Variants in CDH13 observed in about 807,000 individuals in gnomAD.
CDH13 encodes the protein cadherin 13, also known as cadherin-13.
In CDH13, 24 loss-of-function variants were observed where a neutral mutation model predicts 63.8. That is an observed-to-expected ratio of 0.38 (90% CI 0.27 to 0.53). The LOEUF (loss-of-function observed/expected upper bound fraction) is 0.53, where lower values mean the gene tolerates loss of function less well. Ranked by LOEUF, CDH13 falls within the 20% of genes least tolerant of loss-of-function variation. CDH13 has a pLI of 0.85. For synonymous variants in CDH13, 503 were observed against 355.3 expected, an observed-to-expected ratio of 1.42 and a Z score of -4.67; for missense variants, 1,049 against 903.1, an observed-to-expected ratio of 1.16 and a Z score of -2.07.
At chr16:83,341,663 T>C (rs1344016027) in intron 5 of CDH13, among the ~76,000 whole-genome samples, 1 of 152,186 alleles carries the variant, frequency 6.6e-6, no homozygotes, top group East Asian at 1.9e-4. Context: ...AGGAAGAAAA[T>C]GTCTTCATTC....
chr16:83,441,824 A>C (rs2072488844), intron 6 of CDH13, among the ~76,000 whole-genome samples: 1 of 152,196 alleles, frequency 6.6e-6, no homozygotes, highest in African/African-American at 2.4e-5. Flanking sequence ...CTCCAAAAGG[A>C]AATGTTTCAG....
chr16:82,634,735 C>T (rs1426183546), intron 1 of CDH13, among the ~76,000 whole-genome samples: 2 of 152,326 alleles, frequency 1.3e-5, no homozygotes, highest in East Asian at 1.9e-4. Context: ...CTTAAAGTTA[C>T]AGCCAAAGAG....
chr16:83,007,509 C>A (rs1007075549), intron 2 of CDH13, among the ~76,000 whole-genome samples: 1 of 152,096 alleles, frequency 6.6e-6, no homozygotes, highest in Admixed American at 6.5e-5. Context: ...ATAAATTTCC[C>A]TAAGGGCTAA....
intron 2 of CDH13, among the ~76,000 whole-genome samples, chr16:82,897,080 A>G (rs2041296889): frequency 6.6e-6 from 1 of 152,084 alleles, no homozygotes; most frequent in Non-Finnish European, 1.5e-5. Flanking sequence ...GTGCCCTGCC[A>G]CACTGCTGTG....
intron 4 of CDH13, among the ~76,000 whole-genome samples, chr16:83,212,306 C>T (rs1263754292): frequency 6.6e-6 from 1 of 152,172 alleles, no homozygotes; most frequent in East Asian, 1.9e-4. Context: ...CCTCTGAAAA[C>T]CCAGCTAGGC....
chr16:83,743,852 C>T (rs904125685), intron 10 of CDH13, among the ~76,000 whole-genome samples: 2 of 147,954 alleles, frequency 1.4e-5, no homozygotes, highest in African/African-American at 5.0e-5. Context: ...TGCGTCCAGG[C>T]ACTCTACTCG....
intron 6 of CDH13, among the ~76,000 whole-genome samples, chr16:83,408,623 T>C (rs958617509): frequency 6.6e-6 from 1 of 152,214 alleles, no homozygotes; most frequent in Non-Finnish European, 1.5e-5. Context: ...ACAACTTTCC[T>C]ATATGTGGCC....
intron 2 of CDH13, among the ~76,000 whole-genome samples, chr16:83,013,278 G>A (rs189250984): frequency 7.9e-5 from 12 of 152,310 alleles, no homozygotes; most frequent in African/African-American, 2.9e-4. Context: ...AAACAGTAGT[G>A]GGCCGGATTT....
chr16:83,572,031 T>A (rs28369121), intron 7 of CDH13, among the ~76,000 whole-genome samples: 3,951 of 152,228 alleles, frequency 0.026, 156 homozygotes, highest in African/African-American at 0.09. Context: ...ATGTCACAGG[T>A]TGCGGTGAGA....
intron 7 of CDH13, among the ~76,000 whole-genome samples, chr16:83,509,250 G>A (rs756643646): frequency 6.6e-6 from 1 of 152,190 alleles, no homozygotes; most frequent in Non-Finnish European, 1.5e-5. Context: ...TTTACAGCAG[G>A]ATGATATGTG....
intron 2 of CDH13, among the ~76,000 whole-genome samples, chr16:83,024,446 A>G (rs1915615604): frequency 6.6e-6 from 1 of 152,144 alleles, no homozygotes; most frequent in Non-Finnish European, 1.5e-5. Flanking sequence ...TGAATGACTA[A>G]AGGAAAGAAC....
At chr16:83,356,365 A>G (rs78906553) in intron 6 of CDH13, among the ~76,000 whole-genome samples, 2,600 of 152,118 alleles carry the variant, frequency 0.017, 40 homozygotes, top group East Asian at 0.078. Context: ...TACTGGTGGT[A>G]ACCTCAAATA....
intron 6 of CDH13, among the ~76,000 whole-genome samples, chr16:83,385,695 A>G (rs1466569542): frequency 6.6e-6 from 1 of 152,140 alleles, no homozygotes; most frequent in South Asian, 2.1e-4. Flanking sequence ...CAGTCCAGTG[A>G]CCAATACTAG....
At chr16:83,499,761 G>GATAA in intron 7 of CDH13, among the ~76,000 whole-genome samples, 1 of 152,020 alleles carries the variant, frequency 6.6e-6, no homozygotes, top group Non-Finnish European at 1.5e-5. Context: ...TAGTTTGGGT[G>GATAA]CAGTGGCCAC....
At chr16:82,794,533 G>A (rs561927249) in intron 1 of CDH13, among the ~76,000 whole-genome samples, 70 of 151,578 alleles carry the variant, frequency 4.6e-4, no homozygotes, top group African/African-American at 1.5e-3. Flanking sequence ...ATAAAAGAGC[G>A]GTTTAATAGT....
chr16:83,723,813 C>G (rs1456733029), intron 10 of CDH13, among the ~76,000 whole-genome samples: 1 of 152,092 alleles, frequency 6.6e-6, no homozygotes, highest in African/African-American at 2.4e-5. Context: ...ATAATAGCTA[C>G]ACAATAAATA....
At chr16:82,772,542 C>T (rs571788479) in intron 1 of CDH13, among the ~76,000 whole-genome samples, 6 of 152,154 alleles carry the variant, frequency 3.9e-5, no homozygotes, top group Non-Finnish European at 8.8e-5. Context: ...GGGTATGAGA[C>T]ATGCTACGCA....
At chr16:83,065,951 A>T (rs1056293900) in intron 3 of CDH13, among the ~76,000 whole-genome samples, 2 of 152,192 alleles carry the variant, frequency 1.3e-5, no homozygotes, top group African/African-American at 4.8e-5. Flanking sequence ...TCCAAGAAGA[A>T]TTGCAGTTTG....
intron 2 of CDH13, among the ~76,000 whole-genome samples, chr16:82,942,302 C>G (rs906333955): frequency 5.9e-5 from 9 of 152,150 alleles, no homozygotes; most frequent in African/African-American, 1.9e-4. Context: ...TGAATTGCAG[C>G]CATAAATCAA....
Sources: allele counts gnomAD v4.1 joint callset (sites outside exome capture counted in the v4.1 genomes callset), GRCh38; gene constraint gnomAD v4.1.1; transcripts MANE v1.5; gene names NCBI Gene and HGNC (gene_info 2026-07-23, HGNC 2026-07-21).